The following CMTM8 variants were observed in gnomAD, a reference collection of about 807,000 sequenced individuals.
The protein encoded by CMTM8 is CKLF-like MARVEL transmembrane domain-containing protein 8.
Under a neutral mutation model 18.6 loss-of-function variants are expected in CMTM8, and 12 were observed. That is an observed-to-expected ratio of 0.65 (90% CI 0.41 to 1.05). The LOEUF is 1.05. Ranked by LOEUF, CMTM8 falls within the 50% of genes least tolerant of loss-of-function variation. CMTM8 has a pLI of 0.00. For synonymous variants in CMTM8, 87 were observed against 90.6 expected, an observed-to-expected ratio of 0.96 and a Z score of 0.23; for missense variants, 217 against 227.2, an observed-to-expected ratio of 0.95 and a Z score of 0.29.
rs528041678 is a variant in CMTM8, at chr3:32,272,151, A to G, written c.147+33032A>G. ...GTGCATTTGAAAGTATCATTCTTCT[A>G]TCTTACTGGTCTCCATGGTTGTTGT... On this transcript the variant is annotated intron_variant, in intron 1 of 3. Coordinates refer to ENST00000307526, the MANE Select transcript of CMTM8 (RefSeq NM_178868.5). Among the ~76,000 whole-genome samples the G allele has an allele frequency of 2.6e-5, 4 of 152,308 alleles. No individual in the cohort carries two copies. In the South Asian group the frequency reaches 6.2e-4, roughly 24 times the overall value.
At chr3:32,347,436 AC>A (rs1696622971) in intron 1 of CMTM8, among the ~76,000 whole-genome samples, 1 of 147,204 alleles carries the variant, frequency 6.8e-6, no homozygotes, top group Non-Finnish European at 1.5e-5. Context: ...TACTTTGGCC[AC>A]CCCCCGGCAC....
intron 1 of CMTM8, among the ~76,000 whole-genome samples, chr3:32,267,817 C>T (rs529689835): frequency 1.2e-4 from 18 of 152,330 alleles, no homozygotes; most frequent in African/African-American, 4.3e-4. Flanking sequence ...CAAAAGAAGA[C>T]ATTTATGCAG....
At chr3:32,338,451 T>C (rs910301413) in intron 1 of CMTM8, among the ~76,000 whole-genome samples, 2 of 152,158 alleles carry the variant, frequency 1.3e-5, no homozygotes, top group African/African-American at 4.8e-5. Context: ...CATTAAATCA[T>C]GTTCTCTGGA....
intron 1 of CMTM8, among the ~76,000 whole-genome samples, chr3:32,333,501 G>T (rs1696320901): frequency 6.6e-6 from 1 of 152,130 alleles, no homozygotes; most frequent in African/African-American, 2.4e-5. Flanking sequence ...TGATGTTTGG[G>T]AAGCACTGGG....
intron 2 of CMTM8, among the ~76,000 whole-genome samples, chr3:32,359,752 C>A (rs1165051065): frequency 6.6e-6 from 1 of 152,146 alleles, no homozygotes; most frequent in African/African-American, 2.4e-5. Flanking sequence ...TTTAATTGGA[C>A]TTTTAAAAAG....
intron 1 of CMTM8, among the ~76,000 whole-genome samples, chr3:32,302,207 G>T (rs1258156712): frequency 6.6e-6 from 1 of 152,054 alleles, no homozygotes; most frequent in Non-Finnish European, 1.5e-5. Context: ...GCTAAGGTGG[G>T]AGGACTGCTT....
intron 1 of CMTM8, among the ~76,000 whole-genome samples, chr3:32,288,284 T>C (rs1575161056): frequency 6.6e-6 from 1 of 152,230 alleles, no homozygotes; most frequent in East Asian, 1.9e-4. Context: ...AATACAGCTA[T>C]CATTTCTTTA....
chr3:32,276,485 G>A (rs557810051), intron 1 of CMTM8, among the ~76,000 whole-genome samples: 2 of 152,170 alleles, frequency 1.3e-5, no homozygotes, highest in African/African-American at 4.8e-5. Context: ...CTTCATGCTG[G>A]CACTGCTTGG....
intron 1 of CMTM8, among the ~76,000 whole-genome samples, chr3:32,261,596 G>A (rs903299653): frequency 2.0e-5 from 3 of 152,154 alleles, no homozygotes; most frequent in South Asian, 2.1e-4. Flanking sequence ...GAAGGTGCCC[G>A]TACTTTTCCT....
chr3:32,356,207 T>C (rs1034984176), intron 1 of CMTM8, among the ~76,000 whole-genome samples: 1 of 152,180 alleles, frequency 6.6e-6, no homozygotes, highest in Admixed American at 6.5e-5. Context: ...GTATTTTGAT[T>C]CATATACCAC....
intron 1 of CMTM8, among the ~76,000 whole-genome samples, chr3:32,291,169 C>G (rs1352307802): frequency 6.6e-6 from 1 of 151,724 alleles, no homozygotes. Context: ...CGTTCTCTCT[C>G]TCAGTCTGGA....
intron 1 of CMTM8, among the ~76,000 whole-genome samples, chr3:32,311,605 A>G (rs1474917458): frequency 5.3e-5 from 8 of 152,294 alleles, no homozygotes; most frequent in South Asian, 2.1e-4. Flanking sequence ...CCCATGTGCA[A>G]TGTCCTCTTT....
chr3:32,296,908 C>T (rs1054602616), intron 1 of CMTM8, among the ~76,000 whole-genome samples: 55 of 152,220 alleles, frequency 3.6e-4, no homozygotes, highest in African/African-American at 1.3e-3. Context: ...GCAGCAGAGC[C>T]GTCCACCATG....
intron 1 of CMTM8, among the ~76,000 whole-genome samples, chr3:32,356,643 T>C (rs1173289528): frequency 6.6e-6 from 1 of 152,194 alleles, no homozygotes; most frequent in East Asian, 1.9e-4. Flanking sequence ...TCAGACCACA[T>C]GTTACTGGCC....
intron 1 of CMTM8, among the ~76,000 whole-genome samples, chr3:32,289,815 A>C (rs1214449566): frequency 5.3e-5 from 8 of 152,196 alleles, no homozygotes; most frequent in Admixed American, 5.2e-4. Context: ...GTAGTAAGAC[A>C]AGAATAAGAA....
At chr3:32,275,666 T>TTTTG (rs144431874) in intron 1 of CMTM8, among the ~76,000 whole-genome samples, 225 of 93,144 alleles carry the variant, frequency 2.4e-3, no homozygotes, top group South Asian at 7.2e-3. Flanking sequence ...TTTTTTTTTT[T>TTTTG]GGGGACAGAG....
chr3:32,340,032 A>C (rs1023962980), intron 1 of CMTM8, among the ~76,000 whole-genome samples: 1 of 152,164 alleles, frequency 6.6e-6, no homozygotes, highest in African/African-American at 2.4e-5. Context: ...TTGTGGATTA[A>C]ATTTGCCCTT....
chr3:32,293,353 C>G (rs11718701), intron 1 of CMTM8, among the ~76,000 whole-genome samples: 48,205 of 151,974 alleles, frequency 0.32, 7,942 homozygotes, highest in Admixed American at 0.37. Context: ...GAGTTTGAGA[C>G]CAACCTGGCC....
intron 2 of CMTM8, among the ~76,000 whole-genome samples, chr3:32,363,829 C>A (rs1452898519): frequency 6.6e-6 from 1 of 152,152 alleles, no homozygotes; most frequent in African/African-American, 2.4e-5. Flanking sequence ...GACAGATTTC[C>A]AGATAGTGCT....
Sources: allele counts gnomAD v4.1 joint callset (sites outside exome capture counted in the v4.1 genomes callset), GRCh38; gene constraint gnomAD v4.1.1; transcripts MANE v1.5; gene names NCBI Gene and HGNC (gene_info 2026-07-23, HGNC 2026-07-21).